GSE1: variants seen among roughly 807,000 people sequenced by gnomAD.
The protein encoded by GSE1 is genetic suppressor element 1.
Under a neutral mutation model 112.6 loss-of-function variants are expected in GSE1, and 32 were observed. The observed-to-expected ratio is 0.28, with a 90% CI of 0.21 to 0.38. The LOEUF (loss-of-function observed/expected upper bound fraction) is 0.38, where lower values mean the gene tolerates loss of function less well. GSE1 is among the 10% of genes least tolerant of loss of function. The probability of loss-of-function intolerance (pLI) is 1.00; values close to 1 mark genes in which losing one functional copy is unlikely to be tolerated. For synonymous variants in GSE1, 1,115 were observed against 735.6 expected, an observed-to-expected ratio of 1.52 and a Z score of -8.35; for missense variants, 2,348 against 1,699.2, an observed-to-expected ratio of 1.38 and a Z score of -6.71.
chr16:85,472,632 G>C lies in GSE1; in HGVS notation c.2464+114989G>C, dbSNP rs377357415. Among the ~76,000 whole-genome samples, 68 of 152,386 alleles carry C rather than the reference G, an allele frequency of 4.5e-4. No individual in the cohort carries two copies. In the South Asian group the frequency reaches 6.6e-3, roughly 15 times the overall value. On this transcript the variant is annotated intron_variant, in intron 2 of 2. Transcript: ENST00000637419. ...GCCCGGCACAGCTCCAAGTTCAGCA[G>C]CGGCTCAGGACCCGGTCTGGCCTCC...
chr16:85,519,249 C>T (rs2052057070), intron 2 of GSE1, among the ~76,000 whole-genome samples: 2 of 135,268 alleles, frequency 1.5e-5, no homozygotes, highest in Admixed American at 1.5e-4. Flanking sequence ...CCACCATCGT[C>T]ACTTTTACCA....
intron 1 of GSE1, among the ~76,000 whole-genome samples, chr16:85,287,717 C>G (rs963682814): frequency 6.6e-6 from 1 of 152,220 alleles, no homozygotes; most frequent in Admixed American, 6.5e-5. Flanking sequence ...CCACACCCCC[C>G]GATGCCATTT....
chr16:85,532,870 C>A (rs1382750770), intron 2 of GSE1, among the ~76,000 whole-genome samples: 1 of 152,228 alleles, frequency 6.6e-6, no homozygotes, highest in Non-Finnish European at 1.5e-5. Flanking sequence ...GCCGCCCCTG[C>A]AAGTCCTGCG....
intron 1 of GSE1, among the ~76,000 whole-genome samples, chr16:85,179,573 C>T (rs549498533): frequency 3.9e-5 from 6 of 152,228 alleles, no homozygotes; most frequent in East Asian, 1.9e-4. Context: ...ACTGTTTTCC[C>T]GTTGGGGGTT....
chr16:85,527,370 C>T (rs1266513679), intron 2 of GSE1, among the ~76,000 whole-genome samples: 2 of 152,360 alleles, frequency 1.3e-5, no homozygotes, highest in African/African-American at 2.4e-5. Flanking sequence ...TGAAGAGGTT[C>T]GCCCTCAGAA....
At chr16:85,459,329 C>G (rs533171087) in intron 2 of GSE1, among the ~76,000 whole-genome samples, 4 of 152,318 alleles carry the variant, frequency 2.6e-5, no homozygotes, top group African/African-American at 9.6e-5. Context: ...TTAGAAGGCA[C>G]CCCTTGCTTC....
chr16:85,611,448 C>A, upstream of GSE1: 15 of 984,970 alleles, frequency 1.5e-5, no homozygotes, highest in Non-Finnish European at 1.7e-5. Flanking sequence ...GCCAAGGCCG[C>A]AAGGGGGGCG....
At chr16:85,584,457 C>G (rs1004880682) in intron 1 of GSE1, among the ~76,000 whole-genome samples, 2 of 152,212 alleles carry the variant, frequency 1.3e-5, no homozygotes, top group African/African-American at 4.8e-5. Context: ...TTTACACTCT[C>G]CGGGTACTGA....
intron 1 of GSE1, among the ~76,000 whole-genome samples, chr16:85,603,303 G>T (rs2047548179): frequency 6.6e-6 from 1 of 152,224 alleles, no homozygotes; most frequent in African/African-American, 2.4e-5. Context: ...AGTGGGGAAA[G>T]TTCCCTGGGA....
upstream of GSE1, chr16:85,611,573 T>C (rs1022281796): frequency 4.0e-6 from 3 of 741,006 alleles, no homozygotes; most frequent in African/African-American, 3.8e-5. Context: ...GCCGGTCCGT[T>C]TCCCTTTTCG....
chr16:85,582,624 T>G (rs1037461434), intron 1 of GSE1, among the ~76,000 whole-genome samples: 1 of 152,104 alleles, frequency 6.6e-6, no homozygotes, highest in Non-Finnish European at 1.5e-5. Flanking sequence ...TGACACCCAG[T>G]TCCCCCTTAC....
intron 2 of GSE1, among the ~76,000 whole-genome samples, chr16:85,641,293 G>C (rs1479393307): frequency 6.6e-6 from 1 of 152,228 alleles, no homozygotes; most frequent in Non-Finnish European, 1.5e-5. Context: ...AGCTCACGCT[G>C]TTCAGCACAT....
chr16:85,306,699 C>T (rs1167205827), intron 1 of GSE1, among the ~76,000 whole-genome samples: 2 of 152,132 alleles, frequency 1.3e-5, no homozygotes, highest in African/African-American at 2.4e-5. Context: ...TAGGCATGTG[C>T]CACCATGCCT....
In GSE1 at chr16:85,662,966, C is replaced by T. The variant is rs370364998; in HGVS notation, c.2261-15C>T. The T allele has an allele frequency of 5.1e-4, 774 of 1,525,752 alleles. No homozygotes were observed. The highest frequency in any genetic ancestry group is 5.5e-4 in the Non-Finnish European group (602 of 1,101,340). 94.5% of individuals were successfully genotyped at this position (1,525,752 alleles called of 1,614,324 possible). A position where few individuals can be genotyped will look rare whatever the true frequency, so the allele number is the denominator to read the frequency against. On this transcript the variant is annotated splice_polypyrimidine_tract_variant and intron_variant, in intron 9 of 15. Transcript: ENST00000253458. ...AGGCTCTTTGTCTGGCTGAATACAA[C>T]CATTTCTCCATCAGGGTACTACTAC...
chr16:85,291,077 C>T (rs954161393), intron 1 of GSE1, among the ~76,000 whole-genome samples: 2 of 152,254 alleles, frequency 1.3e-5, no homozygotes, highest in Admixed American at 6.5e-5. Flanking sequence ...TGACATCCAG[C>T]ATTTCATGGA....
At chr16:85,284,706 C>T (rs1321179586) in intron 1 of GSE1, among the ~76,000 whole-genome samples, 1 of 152,140 alleles carries the variant, frequency 6.6e-6, no homozygotes, top group East Asian at 1.9e-4. Context: ...CTGGAGGGAT[C>T]GTGGGGAAAA....
At chr16:85,482,924 G>A (rs1271546439) in intron 2 of GSE1, among the ~76,000 whole-genome samples, 1 of 149,522 alleles carries the variant, frequency 6.7e-6, no homozygotes, top group East Asian at 1.9e-4. Context: ...GTTGCAGTGA[G>A]CCAAGATTGC....
At chr16:85,520,537 T>G (rs2052148435) in intron 2 of GSE1, among the ~76,000 whole-genome samples, 1 of 151,836 alleles carries the variant, frequency 6.6e-6, no homozygotes, top group South Asian at 2.1e-4. Context: ...TTCTCCTGCC[T>G]CAGCCTCCCA....
At chr16:85,438,388 C>G (rs2049301969) in intron 2 of GSE1, among the ~76,000 whole-genome samples, 2 of 152,174 alleles carry the variant, frequency 1.3e-5, no homozygotes, top group African/African-American at 4.8e-5. Context: ...GGGGCGCACC[C>G]CGCTCTGTTC....
Sources: gnomAD v4.1 joint callset for allele counts (sites outside exome capture counted in the v4.1 genomes callset) on GRCh38, gnomAD v4.1.1 for gene constraint, MANE v1.5 for transcripts, NCBI Gene and HGNC (gene_info 2026-07-23, HGNC 2026-07-21) for gene names.